The following LRRC2 variants were observed in gnomAD, a reference collection of about 807,000 sequenced individuals.
The protein encoded by LRRC2 is leucine rich repeat containing 2.
A neutral mutation model predicts 40.2 loss-of-function variants in LRRC2; 27 were observed. The observed-to-expected ratio is 0.67, with a 90% confidence interval of 0.49 to 0.93. The LOEUF (loss-of-function observed/expected upper bound fraction) is 0.93, where lower values mean the gene tolerates loss of function less well. LRRC2 is among the 40% of genes least tolerant of loss of function. LRRC2 has a pLI of 0.00. For synonymous variants in LRRC2, 147 were observed against 158.9 expected (o/e 0.92, Z 0.56); for missense variants, 402 against 439.6 (o/e 0.91, Z 0.76).
At chr3:46,526,531 C>G (rs1028029386) in intron 7 of LRRC2, among the ~76,000 whole-genome samples, 1 of 152,184 alleles carries the variant, frequency 6.6e-6, no homozygotes, top group African/African-American at 2.4e-5. Flanking sequence ...GTAGGGCATG[C>G]GTGAGATGTC....
intron 8 of LRRC2, among the ~76,000 whole-genome samples, chr3:46,521,254 C>G (rs1703958895): frequency 6.6e-6 from 1 of 152,156 alleles, no homozygotes; most frequent in African/African-American, 2.4e-5. Flanking sequence ...GTTAGTAACG[C>G]AACCCTAACA....
intron 7 of LRRC2, among the ~76,000 whole-genome samples, chr3:46,525,806 AT>A (rs1704048924): frequency 6.6e-6 from 1 of 152,146 alleles, no homozygotes; most frequent in Non-Finnish European, 1.5e-5. Context: ...CTTCTTTATT[AT>A]TTTTTGGGAA....
chr3:46,523,043 A>G (rs1255471574), intron 7 of LRRC2, among the ~76,000 whole-genome samples: 1 of 152,128 alleles, frequency 6.6e-6, no homozygotes, highest in South Asian at 2.1e-4. Context: ...TTTATTATAT[A>G]TATATATTTC....
chr3:46,560,308 C>G lies in LRRC2; in HGVS notation c.-20+5869G>C, dbSNP rs139266782. ...AGTTGTCAGGGACAGACACAGGTGC[C>G]AGTCCCTCAGCAGCTCAGGGGAGAG... On this transcript the variant is annotated intron_variant, in intron 1 of 8. Transcript: ENST00000395905. Among the ~76,000 whole-genome samples, 142 of 152,274 alleles carry G rather than the reference C, an allele frequency of 9.3e-4. 1 individual carries two copies. Among genetic ancestry groups the G allele is most frequent in the African/African-American group, 3.3e-3 (137 of 41,560 alleles).
intron 1 of LRRC2, chr3:46,558,603 A>C (rs1704865422): frequency 1.3e-5 from 2 of 152,218 alleles, no homozygotes; most frequent in Admixed American, 1.3e-4. Flanking sequence ...GAACAAACTT[A>C]CGGAGCTGTT....
chr3:46,529,133 G>A (rs1162849200), intron 6 of LRRC2, among the ~76,000 whole-genome samples: 1 of 151,042 alleles, frequency 6.6e-6, no homozygotes, highest in Non-Finnish European at 1.5e-5. Flanking sequence ...AAAAAAAATT[G>A]TAGATTCCAG....
At chr3:46,556,983 C>T (rs922154620) in intron 1 of LRRC2, among the ~76,000 whole-genome samples, 4 of 152,018 alleles carry the variant, frequency 2.6e-5, no homozygotes, top group African/African-American at 4.8e-5. Flanking sequence ...TCCATAGATT[C>T]TTGAGGGCTT....
intron 4 of LRRC2, among the ~76,000 whole-genome samples, chr3:46,537,739 T>A (rs1704296827): frequency 6.6e-6 from 1 of 152,184 alleles, no homozygotes; most frequent in Non-Finnish European, 1.5e-5. Flanking sequence ...GGTCTAAAAT[T>A]TGATTTTACC....
intron 4 of LRRC2, among the ~76,000 whole-genome samples, chr3:46,533,746 C>CTTCCTTCT (rs1553612485): frequency 7.8e-6 from 1 of 128,274 alleles, no homozygotes; most frequent in African/African-American, 3.0e-5. Flanking sequence ...TCCTTCCTTC[C>CTTCCTTCT]TTCTTCCTTC....
At chr3:46,522,175 G>C (rs1300026152) in intron 7 of LRRC2, among the ~76,000 whole-genome samples, 2 of 152,062 alleles carry the variant, frequency 1.3e-5, no homozygotes, top group African/African-American at 4.8e-5. Context: ...AGGAGTTCAA[G>C]ACCAGCCTAA....
intron 5 of LRRC2, among the ~76,000 whole-genome samples, chr3:46,531,192 A>G (rs986667239): frequency 2.1e-4 from 31 of 150,044 alleles, no homozygotes; most frequent in Admixed American, 1.9e-3. Context: ...ACTCTGTCAC[A>G]CAGGCTGGAG....
In LRRC2 at chr3:46,527,310, G is replaced by T. The variant is rs1013986302; in HGVS notation, c.929+116C>A. The T allele has an allele frequency of 3.6e-5, 39 of 1,084,870 alleles. No homozygotes were observed. The African/African-American group carries it at 5.4e-4, about 15-fold the overall frequency. The allele number at this position is 1,084,870 out of a possible 1,614,324, so 67.2% of individuals were successfully genotyped here. ...CAGAACTTCTGTGAGTTGGGATCAGGTTCTCAGAGTACGAGAGCCATCTAA... is the reference window on the plus strand; with the variant it reads ...CAGAACTTCTGTGAGTTGGGATCAGTTTCTCAGAGTACGAGAGCCATCTAA... On this transcript the variant is annotated intron_variant, in intron 7 of 8. Transcript: ENST00000395905.
chr3:46,521,433 T>C, intron 8 of LRRC2, 89 bp downstream of exon 8: 1 of 1,074,994 alleles, frequency 9.3e-7, no homozygotes, highest in East Asian at 2.6e-5. Context: ...CAATAAACTT[T>C]TTGTCAATTT....
chr3:46,537,730 G>A (rs1704296663), intron 4 of LRRC2, among the ~76,000 whole-genome samples: 1 of 152,126 alleles, frequency 6.6e-6, no homozygotes, highest in Non-Finnish European at 1.5e-5. Flanking sequence ...TCCTTGTTGG[G>A]TCTAAAATTT....
Position 46,530,069 on chromosome 3 carries a change from A to G in LRRC2, c.628-19T>C, listed in dbSNP as rs1363404577. 4 of 1,581,408 alleles carry G rather than the reference A, an allele frequency of 2.5e-6. No homozygotes were observed. In the African/African-American group the frequency reaches 4.0e-5, roughly 16 times the overall value. On this transcript the variant is annotated intron_variant, in intron 5 of 8. Transcript: ENST00000395905. ...TACTTAACTAGAAATGAATAACAAA[A>G]TGTTCTAATTACTTTTATAAGAGTG...
At chr3:46,536,385 G>A (rs1184414871) in intron 4 of LRRC2, among the ~76,000 whole-genome samples, 10 of 152,100 alleles carry the variant, frequency 6.6e-5, no homozygotes. Flanking sequence ...CCAATATGTT[G>A]GTGTTTATTG....
intron 3 of LRRC2, among the ~76,000 whole-genome samples, chr3:46,543,813 C>T (rs1028717334): frequency 2.0e-5 from 3 of 152,038 alleles, no homozygotes; most frequent in Admixed American, 1.3e-4. Context: ...AGACATGCCT[C>T]CCTTCGTGCC....
chr3:46,535,206 C>T (rs540550185), intron 4 of LRRC2, among the ~76,000 whole-genome samples: 1 of 152,242 alleles, frequency 6.6e-6, no homozygotes, highest in Admixed American at 6.5e-5. Context: ...AGAACATCTC[C>T]CTTTTTATTA....
At chr3:46,531,799 G>C (rs1052640132) in intron 5 of LRRC2, among the ~76,000 whole-genome samples, 13 of 152,222 alleles carry the variant, frequency 8.5e-5, no homozygotes, top group Admixed American at 2.0e-4. Context: ...TTCAGGAAAG[G>C]AAAATAATGC....
Sources: gnomAD v4.1 joint callset for allele counts (sites outside exome capture counted in the v4.1 genomes callset) on GRCh38, gnomAD v4.1.1 for gene constraint, MANE v1.5 for transcripts, NCBI Gene and HGNC (gene_info 2026-07-23, HGNC 2026-07-21) for gene names.